MAPK6: variants seen among roughly 807,000 people sequenced by gnomAD.
MAPK6 encodes the protein ERK-3.
MAPK6 carries 19 observed loss-of-function variants against 59.3 expected under a neutral mutation model. The observed-to-expected ratio is 0.32, with a 90% CI of 0.22 to 0.47. The LOEUF (loss-of-function observed/expected upper bound fraction) is 0.47. Among genes scored for constraint, MAPK6 ranks in the 20% least tolerant of loss-of-function variants. The pLI is 1.00. For synonymous variants in MAPK6, 316 were observed against 290.3 expected, an observed-to-expected ratio of 1.09 and a Z score of -0.90; for missense variants, 724 against 847.9, an observed-to-expected ratio of 0.85 and a Z score of 1.81.
chr15:52,018,371 A>T (rs1464258863), upstream of MAPK6, among the ~76,000 whole-genome samples: 1 of 152,158 alleles, frequency 6.6e-6, no homozygotes, highest in African/African-American at 2.4e-5. Context: ...TTTCTTGAAG[A>T]TGCCCATAAT....
intron 2 of MAPK6, among the ~76,000 whole-genome samples, chr15:51,988,147 A>G (rs1031603457): frequency 5.9e-5 from 9 of 152,168 alleles, no homozygotes; most frequent in African/African-American, 2.2e-4. Context: ...GTACCTAAAC[A>G]ATTTCAGACC....
At chr15:51,981,475 A>AAAAAAAAAGAAAAAG (rs1555394880) in intron 1 of MAPK6, among the ~76,000 whole-genome samples, 2 of 151,744 alleles carry the variant, frequency 1.3e-5, no homozygotes, top group African/African-American at 4.8e-5. Flanking sequence ...CCGTCTCAAA[A>AAAAAAAAAGAAAAAG]AAAAAAAAGA....
intron 1 of MAPK6, among the ~76,000 whole-genome samples, chr15:51,981,573 A>G (rs1314759000): frequency 6.6e-6 from 1 of 152,232 alleles, no homozygotes; most frequent in Admixed American, 6.5e-5. Flanking sequence ...TTAGGACAGA[A>G]GCAAAGTTTG....
intron 2 of MAPK6, among the ~76,000 whole-genome samples, chr15:52,001,509 C>CTTTTT (rs71130114): frequency 7.8e-5 from 10 of 128,068 alleles, no homozygotes; most frequent in South Asian, 2.5e-4. Flanking sequence ...CTTTTCCTTT[C>CTTTTT]TTTTTTTTTT....
intron 1 of MAPK6, among the ~76,000 whole-genome samples, chr15:52,038,917 T>G (rs1218741326): frequency 6.6e-6 from 1 of 152,236 alleles, no homozygotes; most frequent in Non-Finnish European, 1.5e-5. Context: ...ATATAAGACT[T>G]GTAAATCATA....
chr15:52,061,189 G>A, intron 4 of MAPK6, 110 bp from the exon 5 acceptor site: 1 of 794,278 alleles, frequency 1.3e-6, no homozygotes, highest in Non-Finnish European at 2.2e-6. Flanking sequence ...GTAGTATGTA[G>A]TGCTAAGGTA....
intron 1 of MAPK6, among the ~76,000 whole-genome samples, chr15:51,980,886 C>T (rs1456968645): frequency 6.6e-6 from 1 of 151,544 alleles, no homozygotes; most frequent in Non-Finnish European, 1.5e-5. Flanking sequence ...GCCACCGCAC[C>T]CAGCCACAAA....
chr15:52,039,845 T>A (rs779020784), intron 1 of MAPK6, among the ~76,000 whole-genome samples: 5 of 152,210 alleles, frequency 3.3e-5, no homozygotes, highest in Non-Finnish European at 5.9e-5. Context: ...GATACTTTGT[T>A]ACTGTCTTCT....
At chr15:51,974,727 C>A (rs915324726) in intron 1 of MAPK6, among the ~76,000 whole-genome samples, 3 of 149,580 alleles carry the variant, frequency 2.0e-5, no homozygotes, top group South Asian at 2.1e-4. Context: ...TTCTTTTTTC[C>A]CCCCCCGCAA....
chr15:51,988,857 A>G (rs2057199286), intron 2 of MAPK6, among the ~76,000 whole-genome samples: 1 of 152,080 alleles, frequency 6.6e-6, no homozygotes, highest in Non-Finnish European at 1.5e-5. Flanking sequence ...CAGGGCTGTG[A>G]TCCCTCCAGA....
upstream of MAPK6, among the ~76,000 whole-genome samples, chr15:52,015,884 C>A (rs1419728644): frequency 1.5e-5 from 2 of 136,974 alleles, no homozygotes; most frequent in Non-Finnish European, 1.6e-5. Flanking sequence ...ATGGTGAAAC[C>A]CCCTCTCTAC....
intron 3 of MAPK6, chr15:52,057,134 T>G (rs1450542071): frequency 1.3e-5 from 2 of 152,254 alleles, no homozygotes; most frequent in Non-Finnish European, 2.9e-5. Flanking sequence ...GGCTTGTTAC[T>G]GTCACTCTTA....
chr15:52,046,616 C>T lies in MAPK6; in HGVS notation c.156C>T (p.Val52=). ...AAAGAGTAGCCATCAAGAAAATTGT[C>T]CTTACTGATCCCCAGAGTGTCAAAC... is the stretch of plus-strand genomic sequence containing the variant. ...CDKRVAIKKI[V]LTDPQSVKHA... The change falls in exon 2 of 6, where the codon GTC becomes GTT. Residue 52 remains valine (V), a synonymous_variant. Transcript: ENST00000261845. 2 of 1,614,166 alleles carry T rather than the reference C, an allele frequency of 1.2e-6. No individual in the cohort carries two copies. Among genetic ancestry groups the T allele is most frequent in the Non-Finnish European group, 1.7e-6 (2 of 1,180,024 alleles).
intron 2 of MAPK6, among the ~76,000 whole-genome samples, chr15:51,999,608 C>T (rs1437978531): frequency 6.6e-6 from 1 of 151,780 alleles, no homozygotes; most frequent in Admixed American, 6.6e-5. Context: ...TTTAAGGTTT[C>T]CTTTTTATTT....
chr15:52,030,611 C>CTGTTTTTTTTTTT (rs2030990203), intron 1 of MAPK6, among the ~76,000 whole-genome samples: 1 of 35,712 alleles, frequency 2.8e-5, no homozygotes, highest in Admixed American at 5.1e-4. Flanking sequence ...CAGAAGAAGG[C>CTGTTTTTTTTTTT]TTTTTTTTTT....
chr15:51,981,424 A>G (rs2057172929), intron 1 of MAPK6, among the ~76,000 whole-genome samples: 1 of 151,628 alleles, frequency 6.6e-6, no homozygotes, highest in South Asian at 2.1e-4. Context: ...GTGAGCCGAG[A>G]TCGTGCCACT....
chr15:52,039,355 G>T (rs904135396), intron 1 of MAPK6, among the ~76,000 whole-genome samples: 1 of 152,102 alleles, frequency 6.6e-6, no homozygotes, highest in African/African-American at 2.4e-5. Context: ...ATAACAACTA[G>T]AGATAAGCAA....
chr15:52,014,922 A>G (rs2030190593), upstream of MAPK6, among the ~76,000 whole-genome samples: 1 of 152,246 alleles, frequency 6.6e-6, no homozygotes, highest in Admixed American at 6.5e-5. Flanking sequence ...GACAAAATGC[A>G]AATTGTAATC....
chr15:52,023,338 C>T (rs938659217), intron 1 of MAPK6, among the ~76,000 whole-genome samples: 4 of 151,422 alleles, frequency 2.6e-5, no homozygotes, highest in African/African-American at 9.8e-5. Flanking sequence ...TTAGTTCCTT[C>T]AGCCTGTTTT....
Sources: allele counts gnomAD v4.1 joint callset (sites outside exome capture counted in the v4.1 genomes callset), GRCh38; gene constraint gnomAD v4.1.1; transcripts MANE v1.5; gene names NCBI Gene and HGNC (gene_info 2026-07-23, HGNC 2026-07-21).